The following NR3C2 variants were observed in gnomAD, a reference collection of about 807,000 sequenced individuals.
NR3C2 encodes nuclear receptor subfamily 3 group C member 2, also known as mineralocorticoid receptor.
A neutral mutation model predicts 86.4 loss-of-function variants in NR3C2; 15 were observed. The ratio of observed to expected loss-of-function variants is 0.17; its 90% CI spans 0.12 to 0.27. The LOEUF is 0.27. NR3C2 is among the 10% of genes least tolerant of loss of function. NR3C2 has a pLI of 1.00. For missense variants in NR3C2, 960 were observed against 1,195.6 expected, an observed-to-expected ratio of 0.80 and a Z score of 2.91; for synonymous variants, 458 against 450.5, an observed-to-expected ratio of 1.02 and a Z score of -0.21.
At chr4:148,304,133 A>C (rs2149926490) in intron 2 of NR3C2, among the ~76,000 whole-genome samples, 1 of 139,194 alleles carries the variant, frequency 7.2e-6, no homozygotes, top group African/African-American at 2.6e-5. Flanking sequence ...TGAACTCCTG[A>C]GTTTCCTTTT....
intron 8 of NR3C2, among the ~76,000 whole-genome samples, chr4:148,094,718 AAAAAAAAAC>A (rs1318657148): frequency 5.4e-5 from 5 of 92,470 alleles, no homozygotes; most frequent in African/African-American, 1.9e-4. Flanking sequence ...TCCATCTCAA[AAAAAAAAAC>A]AAAAAAAACA....
chr4:148,106,482 T>C (rs191652905), intron 8 of NR3C2, among the ~76,000 whole-genome samples: 358 of 152,280 alleles, frequency 2.4e-3, no homozygotes, highest in Non-Finnish European at 4.0e-3. Context: ...TAAGCTACCA[T>C]TGACTGTCTT....
chr4:148,296,131 T>C (rs996548076), intron 2 of NR3C2, among the ~76,000 whole-genome samples: 7 of 147,744 alleles, frequency 4.7e-5, no homozygotes, highest in Admixed American at 4.7e-4. Flanking sequence ...CCATAAAATA[T>C]CTCACTGGAC....
intron 2 of NR3C2, among the ~76,000 whole-genome samples, chr4:148,278,118 T>C (rs991302910): frequency 6.9e-6 from 1 of 143,990 alleles, no homozygotes; most frequent in Non-Finnish European, 1.5e-5. Flanking sequence ...GTTTGTTTGT[T>C]TGAGACAGGT....
intron 3 of NR3C2, 48 bp from the exon 4 acceptor site, chr4:148,194,910 CA>C: frequency 7.8e-7 from 1 of 1,276,076 alleles, no homozygotes; most frequent in Non-Finnish European, 1.1e-6. Flanking sequence ...TACACTAGTA[CA>C]AAACATTAAT....
chr4:148,414,320 G>A (rs553815593), intron 2 of NR3C2, among the ~76,000 whole-genome samples: 2 of 152,266 alleles, frequency 1.3e-5, no homozygotes, highest in Admixed American at 6.5e-5. Context: ...GTGGGGAAGG[G>A]ATCCAAATCT....
intron 2 of NR3C2, among the ~76,000 whole-genome samples, chr4:148,263,802 G>C (rs1740245936): frequency 6.6e-6 from 1 of 152,092 alleles, no homozygotes; most frequent in South Asian, 2.1e-4. Flanking sequence ...AAAGGGCCCT[G>C]ATGTTCCCCC....
intron 2 of NR3C2, among the ~76,000 whole-genome samples, chr4:148,335,017 G>C (rs1395082479): frequency 6.6e-6 from 1 of 152,154 alleles, no homozygotes; most frequent in Non-Finnish European, 1.5e-5. Flanking sequence ...TTTGTATAAA[G>C]ATTCCAGTTA....
At chr4:148,249,414 A>C (rs1272183985) in intron 3 of NR3C2, among the ~76,000 whole-genome samples, 3 of 152,206 alleles carry the variant, frequency 2.0e-5, no homozygotes, top group Non-Finnish European at 4.4e-5. Context: ...TATCAGACTT[A>C]TCAAAAATCT....
In NR3C2 at chr4:148,339,425, A is replaced by T. The variant is rs574276407; in HGVS notation, c.1758-79308T>A. ...CCTTTAGTAGCTAAACATTAACCCT[A>T]GAAAAATTTAGAATTAAGTACAGAA... On this transcript the variant is annotated intron_variant, in intron 2 of 8. Coordinates refer to ENST00000358102, the MANE Select transcript of NR3C2 (RefSeq NM_000901.5). Among the ~76,000 whole-genome samples the T allele has an allele frequency of 2.6e-5, 4 of 152,308 alleles. No individual in the cohort carries two copies. The East Asian group carries it at 7.7e-4, about 29-fold the overall frequency.
chr4:148,385,435 T>C (rs1747213653), intron 2 of NR3C2, among the ~76,000 whole-genome samples: 1 of 152,240 alleles, frequency 6.6e-6, no homozygotes, highest in African/African-American at 2.4e-5. Flanking sequence ...AGCTATAACT[T>C]GCTTAATTAT....
intron 2 of NR3C2, among the ~76,000 whole-genome samples, chr4:148,265,504 C>A (rs1353622628): frequency 6.6e-6 from 1 of 152,180 alleles, no homozygotes; most frequent in African/African-American, 2.4e-5. Context: ...TCTTTCCCAT[C>A]CTTACAGTAA....
chr4:148,283,605 T>G (rs1579104701), intron 2 of NR3C2, among the ~76,000 whole-genome samples: 2 of 152,232 alleles, frequency 1.3e-5, no homozygotes, highest in South Asian at 4.1e-4. Context: ...TATAGTCATA[T>G]ATTCAGTGCC....
At chr4:148,263,603 T>TA (rs983324933) in intron 2 of NR3C2, among the ~76,000 whole-genome samples, 1 of 152,204 alleles carries the variant, frequency 6.6e-6, no homozygotes, top group Non-Finnish European at 1.5e-5. Context: ...CCACCATAAA[T>TA]AAAAATCTTA....
intron 2 of NR3C2, among the ~76,000 whole-genome samples, chr4:148,289,966 C>T (rs1741720417): frequency 1.3e-5 from 2 of 152,156 alleles, no homozygotes; most frequent in Admixed American, 6.6e-5. Context: ...AAGGATCCTT[C>T]TGCAGGGAAG....
At chr4:148,315,595 T>C (rs1743131561) in intron 2 of NR3C2, among the ~76,000 whole-genome samples, 1 of 152,184 alleles carries the variant, frequency 6.6e-6, no homozygotes, top group African/African-American at 2.4e-5. Flanking sequence ...TCCAAAACAC[T>C]TCTTCTGACA....
At chr4:148,274,747 G>C (rs11721799) in intron 2 of NR3C2, among the ~76,000 whole-genome samples, 16,908 of 148,630 alleles carry the variant, frequency 0.11, 2,096 homozygotes, top group African/African-American at 0.31. Context: ...CTCCAGGCTG[G>C]AGTGCAATGG....
chr4:148,309,898 T>A (rs1742824307), intron 2 of NR3C2, among the ~76,000 whole-genome samples: 1 of 151,952 alleles, frequency 6.6e-6, no homozygotes, highest in Non-Finnish European at 1.5e-5. Flanking sequence ...GATGATAATA[T>A]CTGATACATC....
chr4:148,203,631 C>T (rs920925276), intron 3 of NR3C2, among the ~76,000 whole-genome samples: 1 of 151,736 alleles, frequency 6.6e-6, no homozygotes, highest in African/African-American at 2.4e-5. Flanking sequence ...TTCTGATGGG[C>T]GATTTCCCTT....
Sources: gnomAD v4.1 joint callset for allele counts (sites outside exome capture counted in the v4.1 genomes callset) on GRCh38, gnomAD v4.1.1 for gene constraint, MANE v1.5 for transcripts, NCBI Gene and HGNC (gene_info 2026-07-23, HGNC 2026-07-21) for gene names.